LAMB4: variants seen among roughly 807,000 people sequenced by gnomAD.
The protein encoded by LAMB4 is laminin subunit beta-4.
Under a neutral mutation model 199.2 loss-of-function variants are expected in LAMB4, and 196 were observed. The ratio of observed to expected loss-of-function variants is 0.98; its 90% CI spans 0.88 to 1.11. The LOEUF is 1.11. Among genes scored for constraint, LAMB4 ranks in the 50% least tolerant of loss-of-function variants. The pLI, the probability that LAMB4 is intolerant of heterozygous loss-of-function variation, is 0.00. For synonymous variants in LAMB4, 744 were observed against 770.6 expected (o/e 0.97, Z 0.57); for missense variants, 2,080 against 2,171.2 (o/e 0.96, Z 0.83).
intron 3 of LAMB4, among the ~76,000 whole-genome samples, chr7:108,113,491 A>G (rs2038302248): frequency 6.6e-6 from 1 of 152,240 alleles, no homozygotes; most frequent in African/African-American, 2.4e-5. Context: ...ATTGTTGAAG[A>G]AAGCCAAAAT....
chr7:108,088,297 G>T (rs1488757623), intron 14 of LAMB4, among the ~76,000 whole-genome samples: 4 of 152,074 alleles, frequency 2.6e-5, no homozygotes, highest in African/African-American at 9.7e-5. Context: ...CAAGTAGCTG[G>T]GACTACAGGC....
At chr7:108,130,135 A>G (rs1253024687) in intron 1 of LAMB4, among the ~76,000 whole-genome samples, 171 bp downstream of exon 1, 1 of 152,228 alleles carries the variant, frequency 6.6e-6, no homozygotes, top group Non-Finnish European at 1.5e-5. Context: ...TGTTGCAAGA[A>G]CCTTTATTTA....
intron 32 of LAMB4, among the ~76,000 whole-genome samples, chr7:108,029,853 C>G (rs1346040760): frequency 6.6e-6 from 1 of 152,150 alleles, no homozygotes; most frequent in African/African-American, 2.4e-5. Context: ...GGCGTGGTGG[C>G]TCACGCCTGT....
chr7:108,077,359 C>G (rs2036741922), intron 16 of LAMB4, among the ~76,000 whole-genome samples: 1 of 152,072 alleles, frequency 6.6e-6, no homozygotes, highest in African/African-American at 2.4e-5. Flanking sequence ...CTCATCCCGT[C>G]TCTCATGCTA....
At chr7:108,111,299 G>A (rs994303034) in intron 4 of LAMB4, among the ~76,000 whole-genome samples, 2 of 152,202 alleles carry the variant, frequency 1.3e-5, no homozygotes, top group African/African-American at 4.8e-5. Context: ...CATAAAGAGA[G>A]AAAGGCATAC....
chr7:108,040,731 C>A (rs2035394382), intron 29 of LAMB4, among the ~76,000 whole-genome samples: 3 of 152,142 alleles, frequency 2.0e-5, no homozygotes, highest in Non-Finnish European at 4.4e-5. Flanking sequence ...AACTGGACCC[C>A]CTCCTTACAT....
Position 108,069,855 on chromosome 7 carries a change from C to T in LAMB4, c.2155G>A (p.Glu719Lys). ...LGLIPQINSL[E>K]NFCSKQDLDE... ...AAGTCCTGCTTGCTGCAGAAATTCT[C>T]CAATGAATTGATTTGGGGAATAAGG... Residue 719 changes from glutamate to lysine, a missense_variant, in exon 18 of 34, where the codon GAG becomes AAG. Physicochemically the swap from Glu to Lys is moderately conservative, Grantham distance 56. Transcript: ENST00000388781. 6.2e-7 allele frequency: 1 copy of T among 1,613,220 alleles called. No homozygotes were observed.
intron 14 of LAMB4, among the ~76,000 whole-genome samples, chr7:108,085,547 A>G (rs558529940): frequency 6.6e-6 from 1 of 152,328 alleles, no homozygotes; most frequent in East Asian, 1.9e-4. Context: ...TAGTACTTTC[A>G]ATGGCCCTTT....
intron 28 of LAMB4, among the ~76,000 whole-genome samples, chr7:108,045,495 G>A (rs6943445): frequency 0.095 from 14,410 of 152,162 alleles, 2,290 homozygotes; most frequent in African/African-American, 0.33. Context: ...CTCCATTTAT[G>A]TGCTGATTAA....
intron 29 of LAMB4, among the ~76,000 whole-genome samples, chr7:108,040,428 C>T (rs1426430368): frequency 6.6e-6 from 1 of 152,006 alleles, no homozygotes; most frequent in East Asian, 1.9e-4. Flanking sequence ...TCATATGGAA[C>T]AAAAAAACAG....
In LAMB4 at chr7:108,057,856, C is replaced by A. The variant is rs528307116; in HGVS notation, c.3355G>T (p.Gly1119Cys). 20 of 1,612,764 alleles carry A rather than the reference C, an allele frequency of 1.2e-5. No homozygotes were observed. Among genetic ancestry groups the A allele is most frequent in the Admixed American group, 3.3e-5 (2 of 60,002 alleles). The change falls in exon 24 of 34, where the codon GGT becomes TGT. Residue 1119 changes from glycine (G) to cysteine (C), a missense_variant. Transcript: ENST00000388781. ...CGAATGCATCGCCCAGGTGGATCAC[C>A]ATAATAATTTTCCTGGCACTCACTG... Reference protein sequence around the residue: ...RCSECQENYYGDPPGRCIPCD... With the variant: ...RCSECQENYYCDPPGRCIPCD...
intron 9 of LAMB4, among the ~76,000 whole-genome samples, chr7:108,103,721 G>A (rs939328238): frequency 6.6e-6 from 1 of 152,222 alleles, no homozygotes; most frequent in African/African-American, 2.4e-5. Flanking sequence ...CTGAGGCTAG[G>A]CCAGTGGCCT....
chr7:108,106,468 T>C, intron 7 of LAMB4, 41 bp downstream of exon 7: 1 of 1,213,598 alleles, frequency 8.2e-7, no homozygotes, highest in Non-Finnish European at 1.2e-6. Flanking sequence ...AAACATGAAA[T>C]TTTTTTAAAG....
intron 10 of LAMB4, 23 bp from the exon 11 acceptor site, chr7:108,098,605 T>G (rs1180894349): frequency 6.4e-7 from 1 of 1,555,920 alleles, no homozygotes; most frequent in African/African-American, 1.4e-5. Flanking sequence ...ACATTCATTG[T>G]TTTAGTTAAT....
intron 28 of LAMB4, among the ~76,000 whole-genome samples, chr7:108,047,578 C>T (rs2035671016): frequency 6.6e-6 from 1 of 152,098 alleles, no homozygotes; most frequent in Non-Finnish European, 1.5e-5. Context: ...TTCCAGTCAA[C>T]AGTGGGCTAT....
intron 1 of LAMB4, among the ~76,000 whole-genome samples, chr7:108,124,693 T>C (rs1245770726): frequency 2.0e-5 from 3 of 152,156 alleles, no homozygotes; most frequent in African/African-American, 7.2e-5. Flanking sequence ...TTATAATTTA[T>C]TTGAATAGTA....
chr7:108,021,271 CAGCTGGAGGCCAAGGTTTCAG>C (rs1219644072), downstream of LAMB4, among the ~76,000 whole-genome samples: 1 of 152,152 alleles, frequency 6.6e-6, no homozygotes, highest in Non-Finnish European at 1.5e-5. Flanking sequence ...AAGTGGACCT[CAGCTGGAGGCCAAGGTTTCAG>C]AGCTGGATGC....
intron 17 of LAMB4, among the ~76,000 whole-genome samples, chr7:108,073,962 G>A (rs1170748337): frequency 1.3e-5 from 2 of 152,148 alleles, no homozygotes; most frequent in East Asian, 1.9e-4. Flanking sequence ...GGGTGGTGGT[G>A]GTGGTGGTGG....
intron 4 of LAMB4, 140 bp downstream of exon 4, chr7:108,111,671 A>G (rs892443136): frequency 1.6e-6 from 1 of 643,370 alleles, no homozygotes; most frequent in Non-Finnish European, 2.6e-6. Context: ...GTATTCTTAT[A>G]TGGGTCTCTA....
Sources: allele counts gnomAD v4.1 joint callset (sites outside exome capture counted in the v4.1 genomes callset), GRCh38; gene constraint gnomAD v4.1.1; transcripts MANE v1.5; gene names NCBI Gene and HGNC (gene_info 2026-07-23, HGNC 2026-07-21).